FBN1: variants seen among roughly 807,000 people sequenced by gnomAD.
FBN1 encodes the protein fibrillin-1.
Under a neutral mutation model 365.1 loss-of-function variants are expected in FBN1, and 29 were observed. The ratio of observed to expected loss-of-function variants is 0.08; its 90% CI spans 0.06 to 0.11. The LOEUF is 0.11. Among genes scored for constraint, FBN1 ranks in the 10% least tolerant of loss-of-function variants. FBN1 has a pLI of 1.00. For synonymous variants in FBN1, 1,210 were observed against 1,270.5 expected, an observed-to-expected ratio of 0.95 and a Z score of 1.01; for missense variants, 2,476 against 3,703.2, an observed-to-expected ratio of 0.67 and a Z score of 8.60.
intron 6 of FBN1, among the ~76,000 whole-genome samples, chr15:48,565,366 G>C (rs2044252432): frequency 6.6e-6 from 1 of 151,988 alleles, no homozygotes; most frequent in African/African-American, 2.4e-5. Flanking sequence ...CAAAAAATTA[G>C]AAATCAGAAA....
chr15:48,456,799 G>A (rs1325278695), intron 43 of FBN1, 37 bp from the exon 44 acceptor site: 1 of 1,602,860 alleles, frequency 6.2e-7, no homozygotes. Context: ...TGACAGGACA[G>A]CACATGATCC....
chr15:48,597,323 A>C (rs2044523667), intron 5 of FBN1, among the ~76,000 whole-genome samples: 1 of 152,206 alleles, frequency 6.6e-6, no homozygotes, highest in Non-Finnish European at 1.5e-5. Flanking sequence ...TGCAATGTTC[A>C]TGTCAAGGGC....
chr15:48,573,475 G>A (rs894139294), intron 6 of FBN1, among the ~76,000 whole-genome samples: 39 of 151,992 alleles, frequency 2.6e-4, no homozygotes, highest in South Asian at 2.1e-4. Context: ...AAAGGACAAT[G>A]GCTAAATTTT....
chr15:48,544,667 T>C (rs546765922), intron 6 of FBN1, among the ~76,000 whole-genome samples: 17 of 152,344 alleles, frequency 1.1e-4, no homozygotes, highest in African/African-American at 3.6e-4. Flanking sequence ...GCAATTCAAC[T>C]GCAGCAAATT....
intron 6 of FBN1, among the ~76,000 whole-genome samples, chr15:48,562,478 T>C (rs2044230159): frequency 6.6e-6 from 1 of 152,198 alleles, no homozygotes; most frequent in Admixed American, 6.5e-5. Context: ...TGGAATACCC[T>C]TTTGTGCATG....
At chr15:48,478,441 T>G (rs1225444192) in intron 32 of FBN1, among the ~76,000 whole-genome samples, 1 of 152,212 alleles carries the variant, frequency 6.6e-6, no homozygotes, top group Non-Finnish European at 1.5e-5. Flanking sequence ...CTATTTTAAC[T>G]GAAAACAAGT....
intron 6 of FBN1, among the ~76,000 whole-genome samples, chr15:48,560,159 G>A (rs956682999): frequency 2.0e-5 from 3 of 152,034 alleles, no homozygotes; most frequent in Admixed American, 1.3e-4. Flanking sequence ...CTGAAACCAC[G>A]CTACGTGTAC....
Position 48,408,714 on chromosome 15 carries a change from T to C in FBN1, c.*2276A>G, listed in dbSNP as rs888912207. On this transcript the variant is annotated 3_prime_UTR_variant, in exon 66 of 66. Coordinates refer to ENST00000316623, the MANE Select transcript of FBN1 (RefSeq NM_000138.5). Reference sequence around the variant, plus strand: ...ATGGAACAATGAGGAAAATGTTTTGTTACAGTCAGAAACATGGAAAATATG... The same window carrying C: ...ATGGAACAATGAGGAAAATGTTTTGCTACAGTCAGAAACATGGAAAATATG... 6.6e-6 allele frequency: 1 copy of C among 152,654 alleles called. No homozygotes were observed. The highest frequency in any genetic ancestry group is 2.4e-5 in the African/African-American group (1 of 41,456). 9.5% of individuals were successfully genotyped at this position (152,654 alleles called of 1,614,324 possible).
At chr15:48,426,183 G>A (rs1443776061) in intron 58 of FBN1, among the ~76,000 whole-genome samples, 1 of 152,098 alleles carries the variant, frequency 6.6e-6, no homozygotes, top group East Asian at 1.9e-4. Context: ...TTGGCTTTTT[G>A]TGTCATCTCA....
intron 2 of FBN1, among the ~76,000 whole-genome samples, chr15:48,626,083 C>T (rs1889870523): frequency 6.6e-6 from 1 of 151,868 alleles, no homozygotes; most frequent in Admixed American, 6.6e-5. Flanking sequence ...TAGCGAGAAT[C>T]TATATCTTCA....
In FBN1 at chr15:48,516,298, T is replaced by C; in HGVS notation, c.1212A>G (p.Pro404=). 1.9e-6 allele frequency: 3 copies of C among 1,607,110 alleles called. No homozygotes were observed. Among genetic ancestry groups the C allele is most frequent in the Non-Finnish European group, 2.6e-6 (3 of 1,175,218 alleles). The change falls in exon 11 of 66, where the codon CCA becomes CCG. Residue 404 remains proline (P), a synonymous_variant. Coordinates refer to ENST00000316623, the MANE Select transcript of FBN1 (RefSeq NM_000138.5). ...GAACTGGAGGAATGGGGCCAAGGGG[T>C]GGGGGAGGATATTCTGGTCTCCCAG... ...VIPGRPEYPP[P]PLGPIPPVLP...
chr15:48,604,878 G>A (rs1167235460), intron 4 of FBN1, among the ~76,000 whole-genome samples: 2 of 152,138 alleles, frequency 1.3e-5, no homozygotes, highest in African/African-American at 4.8e-5. Context: ...TTGTTCTGCT[G>A]GCCTTCTTAC....
intron 2 of FBN1, chr15:48,642,359 G>C (rs1890212188): frequency 6.6e-6 from 1 of 152,104 alleles, no homozygotes; most frequent in African/African-American, 2.4e-5. Context: ...CTGGGCAACA[G>C]AGCAAGACTG....
chr15:48,473,377 G>A (rs2043393429), intron 34 of FBN1, among the ~76,000 whole-genome samples: 2 of 152,254 alleles, frequency 1.3e-5, no homozygotes, highest in Middle Eastern at 3.4e-3. Flanking sequence ...GCAGCTATGC[G>A]ACCTAATGGC....
intron 27 of FBN1, 132 bp downstream of exon 27, chr15:48,487,981 C>T (rs2141294429): frequency 8.3e-7 from 1 of 1,197,922 alleles, no homozygotes; most frequent in African/African-American, 1.5e-5. Flanking sequence ...CAGTCTCCCT[C>T]TGTTGCAGAC....
At chr15:48,579,677 A>G (rs1055710044) in intron 6 of FBN1, among the ~76,000 whole-genome samples, 1 of 152,188 alleles carries the variant, frequency 6.6e-6, no homozygotes, top group Admixed American at 6.5e-5. Context: ...CTGGAAAAGA[A>G]CACTTTATGT....
chr15:48,635,212 C>T (rs1217905557), intron 2 of FBN1, among the ~76,000 whole-genome samples: 3 of 152,140 alleles, frequency 2.0e-5, no homozygotes, highest in Non-Finnish European at 4.4e-5. Context: ...AATACATCTC[C>T]GGCTGGGAAT....
chr15:48,562,690 C>A (rs2044231942), intron 6 of FBN1, among the ~76,000 whole-genome samples: 2 of 152,162 alleles, frequency 1.3e-5, no homozygotes, highest in African/African-American at 2.4e-5. Context: ...CACCAGCATG[C>A]CAACTTGCTC....
intron 43 of FBN1, among the ~76,000 whole-genome samples, chr15:48,459,151 T>C (rs926695004): frequency 2.6e-5 from 4 of 152,224 alleles, no homozygotes; most frequent in Admixed American, 2.0e-4. Context: ...CTTTGCTTAC[T>C]GCCAAACTTG....
Sources: allele counts gnomAD v4.1 joint callset (sites outside exome capture counted in the v4.1 genomes callset), GRCh38; gene constraint gnomAD v4.1.1; transcripts MANE v1.5; gene names NCBI Gene and HGNC (gene_info 2026-07-23, HGNC 2026-07-21).